The following CNTN4 variants were observed in gnomAD, a reference collection of about 807,000 sequenced individuals.
CNTN4 encodes contactin 4.
A neutral mutation model predicts 122.5 loss-of-function variants in CNTN4; 77 were observed. That is an observed-to-expected ratio of 0.63 (90% CI 0.52 to 0.76). The LOEUF (loss-of-function observed/expected upper bound fraction) is 0.76. Among genes scored for constraint, CNTN4 ranks in the 30% least tolerant of loss-of-function variants. CNTN4 has a pLI of 0.00. For synonymous variants in CNTN4, 512 were observed against 447.0 expected, an observed-to-expected ratio of 1.15 and a Z score of -1.83; for missense variants, 1,256 against 1,259.1, an observed-to-expected ratio of 1.00 and a Z score of 0.04.
At chr3:2,379,039 T>C (rs1030465973) in intron 3 of CNTN4, among the ~76,000 whole-genome samples, 4 of 152,314 alleles carry the variant, frequency 2.6e-5, no homozygotes, top group African/African-American at 9.6e-5. Flanking sequence ...TCAAATACAA[T>C]GCTCGTGTCT....
intron 8 of CNTN4, among the ~76,000 whole-genome samples, chr3:2,881,869 CT>C (rs970602050): frequency 1.3e-5 from 2 of 152,214 alleles, no homozygotes; most frequent in African/African-American, 4.8e-5. Flanking sequence ...GGTTCAGTCT[CT>C]TTTTCCTCTG....
At chr3:2,524,065 A>G (rs567589894) in intron 3 of CNTN4, among the ~76,000 whole-genome samples, 5 of 152,254 alleles carry the variant, frequency 3.3e-5, no homozygotes, top group Admixed American at 2.0e-4. Flanking sequence ...GTGTATTCAC[A>G]GAATTGTATA....
chr3:2,226,160 C>T (rs2039274106), intron 2 of CNTN4, among the ~76,000 whole-genome samples: 1 of 152,054 alleles, frequency 6.6e-6, no homozygotes, highest in African/African-American at 2.4e-5. Flanking sequence ...TAATTCTTAC[C>T]TCCTTGCTGT....
At chr3:2,812,135 C>T (rs1026018821) in intron 6 of CNTN4, among the ~76,000 whole-genome samples, 20 of 151,914 alleles carry the variant, frequency 1.3e-4, no homozygotes, top group African/African-American at 3.9e-4. Flanking sequence ...GAGTGGAGGG[C>T]GGGAGGAGGG....
At chr3:2,769,958 T>C (rs76432283) in intron 6 of CNTN4, among the ~76,000 whole-genome samples, 1 of 152,140 alleles carries the variant, frequency 6.6e-6, no homozygotes, top group Non-Finnish European at 1.5e-5. Flanking sequence ...GTTAGATTAG[T>C]TATGTCCTGT....
chr3:2,781,549 C>G (rs2091567099), intron 6 of CNTN4, among the ~76,000 whole-genome samples: 1 of 151,870 alleles, frequency 6.6e-6, no homozygotes, highest in South Asian at 2.1e-4. Context: ...GTGACACAGC[C>G]CTCAGGAGGT....
chr3:2,715,864 T>C (rs1484469119), intron 4 of CNTN4, among the ~76,000 whole-genome samples: 3 of 152,352 alleles, frequency 2.0e-5, no homozygotes, highest in Admixed American at 6.5e-5. Context: ...ACTTTAGATA[T>C]AGGCATACTG....
chr3:2,542,201 A>T (rs115892196), intron 3 of CNTN4, among the ~76,000 whole-genome samples: 1 of 152,150 alleles, frequency 6.6e-6, no homozygotes, highest in Admixed American at 6.6e-5. Context: ...AAGATGCTAG[A>T]AGTAAGACTG....
intron 2 of CNTN4, among the ~76,000 whole-genome samples, chr3:2,122,319 CTTTA>C (rs2033854747): frequency 6.6e-6 from 1 of 151,958 alleles, no homozygotes; most frequent in African/African-American, 2.4e-5. Flanking sequence ...TTTCAGAGAT[CTTTA>C]TTGTTATATG....
intron 4 of CNTN4, among the ~76,000 whole-genome samples, chr3:2,584,912 G>T (rs979846062): frequency 6.6e-6 from 1 of 151,360 alleles, no homozygotes; most frequent in African/African-American, 2.4e-5. Flanking sequence ...TAGGTAGGTA[G>T]GTAGGTAGAT....
At chr3:2,736,735 T>G (rs1262445054) in intron 5 of CNTN4, among the ~76,000 whole-genome samples, 3 of 151,978 alleles carry the variant, frequency 2.0e-5, no homozygotes, top group Admixed American at 6.5e-5. Context: ...AGTGCTGGGA[T>G]TACAGGCGTG....
At position 2,802,358 on chromosome 3, in the gene CNTN4, A is replaced by T. The variant is rs2092368382; in HGVS notation, c.359-17128A>T. Among the ~76,000 whole-genome samples the T allele has an allele frequency of 2.6e-5, 4 of 152,348 alleles. No individual in the cohort carries two copies. In the South Asian group the frequency reaches 8.3e-4, roughly 32 times the overall value. ...CTTCTCGTTTGAGCTCTAGGTGTAC[A>T]AACAAGTGAGCTTTTTGCTGTCTGT... On this transcript the variant is annotated intron_variant, in intron 6 of 24. Coordinates refer to ENST00000418658, the MANE Select transcript of CNTN4 (RefSeq NM_175607.3).
intron 6 of CNTN4, among the ~76,000 whole-genome samples, chr3:2,794,944 A>G (rs2092125121): frequency 6.6e-6 from 1 of 151,786 alleles, no homozygotes; most frequent in Non-Finnish European, 1.5e-5. Context: ...TGATCTAATC[A>G]CTTACCAATG....
intron 7 of CNTN4, among the ~76,000 whole-genome samples, chr3:2,834,624 T>C (rs1329685176): frequency 6.6e-6 from 1 of 151,770 alleles, no homozygotes; most frequent in African/African-American, 2.4e-5. Context: ...AACCAGAGAC[T>C]CAAAATAAAG....
Position 2,473,660 on chromosome 3 carries a change from G to A in CNTN4, c.-88-97756G>A, listed in dbSNP as rs143391673. 2.0e-5 allele frequency among the ~76,000 whole-genome samples: 3 copies of A among 152,240 alleles called. No homozygotes were observed. The East Asian group carries it at 5.8e-4, about 29-fold the overall frequency. On this transcript the variant is annotated intron_variant, in intron 3 of 24. Coordinates refer to ENST00000418658, the MANE Select transcript of CNTN4 (RefSeq NM_175607.3). Reference sequence around the variant, plus strand: ...TTCAGCTGGGCAGTGATGCTTCAAAGATTAGTGGTCTCCCTTGCATTCTTC... The same window carrying A: ...TTCAGCTGGGCAGTGATGCTTCAAAAATTAGTGGTCTCCCTTGCATTCTTC...
chr3:2,298,277 G>A lies in CNTN4; in HGVS notation c.-144-40901G>A, dbSNP rs1229550476. ...GTCTTGTCAGTCGAATTAAAATCTAGCCTTAACTTTTTTCTTGAAATTTAA... is the reference window on the plus strand; with the variant it reads ...GTCTTGTCAGTCGAATTAAAATCTAACCTTAACTTTTTTCTTGAAATTTAA... On this transcript the variant is annotated intron_variant, in intron 2 of 24. Transcript: ENST00000418658. Among the ~76,000 whole-genome samples, 4 of 152,038 alleles carry A rather than the reference G, an allele frequency of 2.6e-5. No individual in the cohort carries two copies. In the East Asian group the frequency reaches 5.8e-4, roughly 22 times the overall value.
intron 3 of CNTN4, among the ~76,000 whole-genome samples, chr3:2,491,427 A>G (rs557686570): frequency 2.5e-3 from 386 of 152,332 alleles, no homozygotes; most frequent in African/African-American, 8.8e-3. Context: ...TATGTGTATG[A>G]TAAAATGTCA....
chr3:2,143,164 TG>T (rs1389623916), intron 2 of CNTN4, among the ~76,000 whole-genome samples: 2 of 152,212 alleles, frequency 1.3e-5, no homozygotes, highest in South Asian at 4.1e-4. Flanking sequence ...TTTTATAGAC[TG>T]GATTTTTTTC....
At chr3:2,578,499 A>G (rs2079795388) in intron 4 of CNTN4, among the ~76,000 whole-genome samples, 1 of 152,194 alleles carries the variant, frequency 6.6e-6, no homozygotes, top group South Asian at 2.1e-4. Context: ...AATTCCCAAG[A>G]TTCTCACATT....
Sources: allele counts gnomAD v4.1 joint callset (sites outside exome capture counted in the v4.1 genomes callset), GRCh38; gene constraint gnomAD v4.1.1; transcripts MANE v1.5; gene names NCBI Gene and HGNC (gene_info 2026-07-23, HGNC 2026-07-21).